Variants in BTF3L4 observed in about 807,000 individuals in gnomAD.
BTF3L4 encodes basic transcription factor 3 like 4.
A neutral mutation model predicts 16.8 loss-of-function variants in BTF3L4; 6 were observed. The observed-to-expected ratio is 0.36, with a 90% CI of 0.20 to 0.71. BTF3L4 has a LOEUF of 0.71. Ranked by LOEUF, BTF3L4 falls within the 30% of genes least tolerant of loss-of-function variation. The pLI, the probability that BTF3L4 is intolerant of heterozygous loss-of-function variation, is 0.58. For synonymous variants in BTF3L4, 39 were observed against 59.8 expected, an observed-to-expected ratio of 0.65 and a Z score of 1.60; for missense variants, 92 against 186.9, an observed-to-expected ratio of 0.49 and a Z score of 2.96.
At position 52,082,968 on chromosome 1, in the gene BTF3L4, TG is replaced by T. The variant is rs778753778; in HGVS notation, c.169-371del. Among the ~76,000 whole-genome samples, 3 of 152,310 alleles carry T rather than the reference TG, an allele frequency of 2.0e-5. No individual in the cohort carries two copies. The South Asian group carries it at 6.2e-4, about 32-fold the overall frequency. ...CTACCCTGCCAAGTGGAAATTGCAC[TG>T]ATTTTGTTTGACAGTATAAATTGAG... On this transcript the variant is annotated intron_variant, in intron 3 of 5. Coordinates refer to ENST00000313334, the MANE Select transcript of BTF3L4 (RefSeq NM_152265.5).
At chr1:52,079,635 A>G (rs1643897420) in intron 3 of BTF3L4, among the ~76,000 whole-genome samples, 1 of 152,126 alleles carries the variant, frequency 6.6e-6, no homozygotes, top group East Asian at 1.9e-4. Flanking sequence ...ATCAGGGTGT[A>G]AAATATAACA....
chr1:52,072,591 C>G (rs947960222), intron 3 of BTF3L4, among the ~76,000 whole-genome samples: 65 of 152,238 alleles, frequency 4.3e-4, no homozygotes, highest in African/African-American at 1.5e-3. Context: ...CCTTTTGTGC[C>G]TGGAGGCCTG....
Position 52,089,318 on chromosome 1 carries a change from T to A in BTF3L4, c.*2560T>A, listed in dbSNP as rs1224010203. The stretch of plus-strand genomic sequence containing the variant: ...TTCTTAATGGCTGGCCTCTCTTGTG[T>A]ACAATGAGCCAATATTCTTTTTTGT... On this transcript the variant is annotated 3_prime_UTR_variant, in exon 6 of 6. Coordinates refer to ENST00000313334, the MANE Select transcript of BTF3L4 (RefSeq NM_152265.5). The A allele has an allele frequency of 6.6e-6, 1 of 152,194 alleles. No homozygotes were observed. The highest frequency in any genetic ancestry group is 1.5e-5 in the Non-Finnish European group (1 of 68,028). The allele number at this position is 152,194 out of a possible 1,614,324, so 9.4% of individuals were successfully genotyped here. A position where few individuals can be genotyped will look rare whatever the true frequency, so the allele number is the denominator to read the frequency against.
intron 3 of BTF3L4, among the ~76,000 whole-genome samples, chr1:52,078,022 G>A (rs1157217515): frequency 1.3e-5 from 2 of 152,066 alleles, no homozygotes; most frequent in Non-Finnish European, 2.9e-5. Context: ...AAACCTTAAT[G>A]TGACCCATCA....
chr1:52,073,412 T>C (rs1054085732), intron 3 of BTF3L4, among the ~76,000 whole-genome samples: 5 of 151,782 alleles, frequency 3.3e-5, no homozygotes, highest in African/African-American at 1.2e-4. Flanking sequence ...AGAGAGCTAC[T>C]ATTAGTCTTG....
intron 3 of BTF3L4, among the ~76,000 whole-genome samples, chr1:52,066,107 A>G (rs1686640573): frequency 6.6e-6 from 1 of 152,180 alleles, no homozygotes; most frequent in African/African-American, 2.4e-5. Flanking sequence ...GAGACCAAAG[A>G]TTAATGTTAT....
In BTF3L4 at chr1:52,086,995, G is replaced by A; in HGVS notation, c.*237G>A. ...TATTGGTGCAGTTTGAGGGTGTTTT[G>A]GTTTTTGATTCCTGGTTTTTTTGTT... On this transcript the variant is annotated 3_prime_UTR_variant, in exon 6 of 6. Transcript: ENST00000313334. The A allele has an allele frequency of 2.5e-6, 1 of 394,482 alleles. No homozygotes were observed. Among genetic ancestry groups the A allele is most frequent in the African/African-American group, 2.1e-5 (1 of 47,744 alleles). The allele number at this position is 394,482 out of a possible 1,614,324, so 24.4% of individuals were successfully genotyped here.
chr1:52,057,406 G>A (rs1352832663), intron 1 of BTF3L4, among the ~76,000 whole-genome samples: 1 of 152,212 alleles, frequency 6.6e-6, no homozygotes, highest in East Asian at 1.9e-4. Context: ...CATTAATCAT[G>A]TGGCTTTAGG....
Position 52,086,231 on chromosome 1 carries a change from T to C in BTF3L4, c.430+60T>C, listed in dbSNP as rs1181063976. The C allele has an allele frequency of 7.8e-6, 10 of 1,280,874 alleles. 1 individual carries two copies. In the Admixed American group the frequency reaches 1.2e-4, roughly 15 times the overall value. The allele number at this position is 1,280,874 out of a possible 1,614,324, so 79.3% of individuals were successfully genotyped here. On this transcript the variant is annotated intron_variant, in intron 5 of 5. Transcript: ENST00000313334. ...CATCCTGTTTATCTCCTTTCAGTCA[T>C]TGCATAGATAACTTTTAGGTTTGTG...
intron 2 of BTF3L4, among the ~76,000 whole-genome samples, chr1:52,061,586 A>G (rs1004788692): frequency 2.0e-5 from 3 of 151,504 alleles, no homozygotes; most frequent in Non-Finnish European, 4.4e-5. Flanking sequence ...TGGTGCTAAG[A>G]TAACACAGTA....
chr1:52,078,645 T>C (rs1413575545), intron 3 of BTF3L4, among the ~76,000 whole-genome samples: 1 of 152,082 alleles, frequency 6.6e-6, no homozygotes, highest in African/African-American at 2.4e-5. Flanking sequence ...GATGGAGAAG[T>C]AGGAAATGGT....
intron 4 of BTF3L4, among the ~76,000 whole-genome samples, chr1:52,085,151 G>T (rs1188974930): frequency 6.8e-6 from 1 of 147,946 alleles, no homozygotes; most frequent in African/African-American, 2.5e-5. Flanking sequence ...TCCCAAGTTA[G>T]CTGGGATTAC....
At chr1:52,068,177 C>G (rs1686701178) in intron 3 of BTF3L4, among the ~76,000 whole-genome samples, 1 of 152,082 alleles carries the variant, frequency 6.6e-6, no homozygotes, top group East Asian at 1.9e-4. Flanking sequence ...AATAAGGAAC[C>G]AGTTAGTAAT....
At chr1:52,062,937 C>CA (rs5774116) in intron 2 of BTF3L4, among the ~76,000 whole-genome samples, 1 of 152,090 alleles carries the variant, frequency 6.6e-6, no homozygotes, top group African/African-American at 2.4e-5. Flanking sequence ...CAGCTCACAA[C>CA]GGTTCGCCCT....
At chr1:52,082,579 A>G (rs572959068) in intron 3 of BTF3L4, among the ~76,000 whole-genome samples, 2 of 152,254 alleles carry the variant, frequency 1.3e-5, no homozygotes, top group East Asian at 3.9e-4. Flanking sequence ...TACTAAAAAT[A>G]CAAAAATTAG....
At chr1:52,086,492 A>G in intron 5 of BTF3L4, 1 of 486,748 alleles carries the variant, frequency 2.1e-6, no homozygotes, top group Non-Finnish European at 3.6e-6. Context: ...AGTAATTTGC[A>G]TAGACAAAAG....
intron 2 of BTF3L4, chr1:52,060,375 C>A: frequency 2.2e-6 from 2 of 921,592 alleles, no homozygotes; most frequent in Non-Finnish European, 3.0e-6. Context: ...CCTACTTGTA[C>A]AGAGGTTTAG....
intron 4 of BTF3L4, among the ~76,000 whole-genome samples, chr1:52,083,933 T>C (rs1310183874): frequency 6.6e-6 from 1 of 151,560 alleles, no homozygotes; most frequent in Non-Finnish European, 1.5e-5. Flanking sequence ...GGCAGGAGAA[T>C]TGCTTGAACC....
Position 52,084,473 on chromosome 1 carries a change from A to G in BTF3L4, c.370+932A>G, listed in dbSNP as rs150904581. ...ATTTTAAATAGTTAATTTGATATTC[A>G]CTGCTAATTAATGACAATCAGAAAA... On this transcript the variant is annotated intron_variant, in intron 4 of 5. Transcript: ENST00000313334. Among the ~76,000 whole-genome samples, 243 of 152,104 alleles carry G rather than the reference A, an allele frequency of 1.6e-3. 2 individuals carry two copies. Among genetic ancestry groups the G allele is most frequent in the African/African-American group, 5.4e-3 (223 of 41,460 alleles).
Sources: allele counts gnomAD v4.1 joint callset (sites outside exome capture counted in the v4.1 genomes callset), GRCh38; gene constraint gnomAD v4.1.1; transcripts MANE v1.5; gene names NCBI Gene and HGNC (gene_info 2026-07-23, HGNC 2026-07-21).